KIRREL3: variants seen among roughly 807,000 people sequenced by gnomAD.
KIRREL3 encodes kin of IRRE-like protein 3.
In KIRREL3, 36 loss-of-function variants were observed where a neutral mutation model predicts 89.7. The ratio of observed to expected loss-of-function variants is 0.40; its 90% CI spans 0.31 to 0.53. The LOEUF (loss-of-function observed/expected upper bound fraction) is 0.53, where lower values mean the gene tolerates loss of function less well. Among genes scored for constraint, KIRREL3 ranks in the 20% least tolerant of loss-of-function variants. The probability of loss-of-function intolerance (pLI) is 0.49; values close to 1 mark genes in which losing one functional copy is unlikely to be tolerated. For synonymous variants in KIRREL3, 445 were observed against 441.4 expected (o/e 1.01, Z -0.10); for missense variants, 864 against 1,056.6 (o/e 0.82, Z 2.53).
intron 11 of KIRREL3, chr11:126,440,078 C>CTAT: frequency 2.4e-6 from 1 of 425,512 alleles, no homozygotes; most frequent in East Asian, 5.8e-5. Flanking sequence ...GGGTTGCCAA[C>CTAT]TATTACCTGC....
intron 1 of KIRREL3, among the ~76,000 whole-genome samples, chr11:126,933,999 A>C (rs1347728440): frequency 9.7e-5 from 1 of 10,278 alleles, no homozygotes; most frequent in East Asian, 3.7e-3. Context: ...TCTGGAAAAG[A>C]CAAAAAAAAA....
chr11:126,972,204 G>GAGAGAGAGAGAGAGA (rs1555110558), intron 1 of KIRREL3, among the ~76,000 whole-genome samples: 439 of 146,236 alleles, frequency 3.0e-3, no homozygotes, highest in Middle Eastern at 7.3e-3. Flanking sequence ...GAGAGAGAGA[G>GAGAGAGAGAGAGAGA]GACTGTGCAT....
chr11:126,871,484 A>G (rs981710667), intron 1 of KIRREL3, among the ~76,000 whole-genome samples: 1 of 152,200 alleles, frequency 6.6e-6, no homozygotes, highest in Non-Finnish European at 1.5e-5. Flanking sequence ...AAACCACAAG[A>G]AAGAAAGGAA....
intron 1 of KIRREL3, among the ~76,000 whole-genome samples, chr11:126,826,731 T>C (rs992042940): frequency 1.3e-5 from 2 of 152,248 alleles, no homozygotes; most frequent in Admixed American, 1.3e-4. Flanking sequence ...GGTTTCAACC[T>C]GACAGCACCA....
At chr11:126,506,014 C>A (rs1415287336) in intron 4 of KIRREL3, among the ~76,000 whole-genome samples, 1 of 152,182 alleles carries the variant, frequency 6.6e-6, no homozygotes, top group Non-Finnish European at 1.5e-5. Context: ...TTGAAATTCA[C>A]TGTGGGAAAG....
At chr11:126,673,471 C>T (rs1315682218) in intron 1 of KIRREL3, among the ~76,000 whole-genome samples, 1 of 152,274 alleles carries the variant, frequency 6.6e-6, no homozygotes, top group Middle Eastern at 3.4e-3. Context: ...TTCTCCTAAC[C>T]AAGGAATTTA....
rs1276683795 is a variant in KIRREL3, at chr11:126,684,069, G to A, written c.56-121157C>T. On this transcript the variant is annotated intron_variant, in intron 1 of 16. Transcript: ENST00000525144. This position sits in a 1 kb window ranked among gnomAD's most constrained non-coding sequence, Gnocchi z 4.2. ...GGCACTGTCTGATCTGCTGACAGCCGCGACCCTGCCACCTGCTCAGTGGGA... is the reference window on the plus strand; with the variant it reads ...GGCACTGTCTGATCTGCTGACAGCCACGACCCTGCCACCTGCTCAGTGGGA... 6.6e-6 allele frequency among the ~76,000 whole-genome samples: 1 copy of A among 152,204 alleles called. No homozygotes were observed. Among genetic ancestry groups the A allele is most frequent in the Non-Finnish European group, 1.5e-5 (1 of 68,040 alleles).
At chr11:126,858,359 C>T (rs1322139096) in intron 1 of KIRREL3, among the ~76,000 whole-genome samples, 3 of 152,124 alleles carry the variant, frequency 2.0e-5, no homozygotes, top group Non-Finnish European at 4.4e-5. Context: ...ACTAAAGATC[C>T]ATCATAAATA....
intron 1 of KIRREL3, among the ~76,000 whole-genome samples, chr11:126,670,322 A>G (rs1198234401): frequency 6.6e-6 from 1 of 152,232 alleles, no homozygotes; most frequent in Non-Finnish European, 1.5e-5. Context: ...TATAAAGAGT[A>G]TAAGAAAAAC....
Position 126,796,408 on chromosome 11 carries a change from G to T in KIRREL3, c.55+204047C>A, listed in dbSNP as rs1041293642. 2.6e-5 allele frequency among the ~76,000 whole-genome samples: 4 copies of T among 152,126 alleles called. No homozygotes were observed. The highest frequency in any genetic ancestry group is 5.9e-5 in the Non-Finnish European group (4 of 68,020). On this transcript the variant is annotated intron_variant, in intron 1 of 16. Coordinates refer to ENST00000525144, the MANE Select transcript of KIRREL3 (RefSeq NM_032531.4). This position sits in a 1 kb window ranked among gnomAD's most constrained non-coding sequence, Gnocchi z 5.1. ...TCTGCCCGTCCTGTCCCGCAGCATT[G>T]GGTGTGGAGGAAGGCTGAAGGAGGG...
chr11:126,752,211 G>C lies in KIRREL3; in HGVS notation c.56-189299C>G, dbSNP rs1313330684. On this transcript the variant is annotated intron_variant, in intron 1 of 16. Coordinates refer to ENST00000525144, the MANE Select transcript of KIRREL3 (RefSeq NM_032531.4). This position sits in a 1 kb window ranked among gnomAD's most constrained non-coding sequence, Gnocchi z 4.8. ...CCAGGCTCAGCGTGGGTTGGTTGGG[G>C]GGGTTTCTTGAAGCATTGTAGCTCC... 6.6e-6 allele frequency among the ~76,000 whole-genome samples: 1 copy of C among 152,122 alleles called. No individual in the cohort carries two copies. The highest frequency in any genetic ancestry group is 2.4e-5 in the African/African-American group (1 of 41,406).
At chr11:126,866,896 C>T (rs1944944740) in intron 1 of KIRREL3, among the ~76,000 whole-genome samples, 1 of 152,186 alleles carries the variant, frequency 6.6e-6, no homozygotes, top group Non-Finnish European at 1.5e-5. Context: ...AGAACTACCT[C>T]CACTCAATAA....
chr11:126,737,167 C>T (rs550431913), intron 1 of KIRREL3, among the ~76,000 whole-genome samples: 16 of 152,054 alleles, frequency 1.1e-4, no homozygotes, highest in Admixed American at 2.0e-4. Flanking sequence ...GATTGGAGGC[C>T]GGCTTGTCAG....
chr11:126,518,605 G>A (rs1367533553), intron 4 of KIRREL3, among the ~76,000 whole-genome samples: 1 of 152,254 alleles, frequency 6.6e-6, no homozygotes, highest in Non-Finnish European at 1.5e-5. Context: ...TTGGGGAACT[G>A]GCTGGGACAT....
Position 126,740,027 on chromosome 11 carries a change from G to A in KIRREL3, c.56-177115C>T, listed in dbSNP as rs1264270537. On this transcript the variant is annotated intron_variant, in intron 1 of 16. Coordinates refer to ENST00000525144, the MANE Select transcript of KIRREL3 (RefSeq NM_032531.4). This position sits in a 1 kb window ranked among gnomAD's most constrained non-coding sequence, Gnocchi z 6.0. ...TGGAGGGTAGGGTGTATGGAGGGAG[G>A]GGGCAGAGAAAGAAAGGAAGAAAGA... Among the ~76,000 whole-genome samples, 3 of 152,106 alleles carry A rather than the reference G, an allele frequency of 2.0e-5. No homozygotes were observed. The highest frequency in any genetic ancestry group is 2.1e-4 in the South Asian group (1 of 4,818).
At chr11:126,869,183 G>A (rs1945022943) in intron 1 of KIRREL3, among the ~76,000 whole-genome samples, 1 of 147,822 alleles carries the variant, frequency 6.8e-6, no homozygotes, top group Non-Finnish European at 1.5e-5. Flanking sequence ...TCTCCTAGCA[G>A]GACATGGCAG....
rs1461428711 is a variant in KIRREL3, at chr11:126,811,226, C to A, written c.55+189229G>T. On this transcript the variant is annotated intron_variant, in intron 1 of 16. Coordinates refer to ENST00000525144, the MANE Select transcript of KIRREL3 (RefSeq NM_032531.4). The surrounding 1 kb of genome is among the most constrained non-coding windows in gnomAD (Gnocchi z 4.3). ...TCTGTCTTTCCTCCTGCTGAGAATT[C>A]TTCTGTTTTCCAGGAGGTGTCCCTA... Among the ~76,000 whole-genome samples, 1 of 152,218 alleles carries A rather than the reference C, an allele frequency of 6.6e-6. No homozygotes were observed. Among genetic ancestry groups the A allele is most frequent in the Non-Finnish European group, 1.5e-5 (1 of 68,034 alleles).
At chr11:126,712,775 G>A (rs1466675463) in intron 1 of KIRREL3, among the ~76,000 whole-genome samples, 2 of 152,174 alleles carry the variant, frequency 1.3e-5, no homozygotes, top group Non-Finnish European at 2.9e-5. Context: ...TTTTGGCCAC[G>A]ACCCGTTTTT....
At chr11:126,810,294 T>C (rs1179743320) in intron 1 of KIRREL3, among the ~76,000 whole-genome samples, 3 of 152,192 alleles carry the variant, frequency 2.0e-5, no homozygotes, top group Non-Finnish European at 4.4e-5. Context: ...ATCCCAGGAA[T>C]ATGCAGCAAC....
Sources: allele counts gnomAD v4.1 joint callset (sites outside exome capture counted in the v4.1 genomes callset), GRCh38; gene constraint gnomAD v4.1.1; non-coding constraint Gnocchi (gnomAD v3.1); transcripts MANE v1.5; gene names NCBI Gene and HGNC (gene_info 2026-07-23, HGNC 2026-07-21).